Variants in LMO7 observed in about 807,000 individuals in gnomAD.
The protein encoded by LMO7 is LIM domain 7, also known as LIM domain only protein 7.
Under a neutral mutation model 206.5 loss-of-function variants are expected in LMO7, and 120 were observed. That is an observed-to-expected ratio of 0.58 (90% CI 0.50 to 0.68). LMO7 has a LOEUF of 0.68. Ranked by LOEUF, LMO7 falls within the 30% of genes least tolerant of loss-of-function variation. The pLI is 0.00. For missense variants in LMO7, 1,959 were observed against 1,957.9 expected, an observed-to-expected ratio of 1.00 and a Z score of -0.01; for synonymous variants, 706 against 681.5, an observed-to-expected ratio of 1.04 and a Z score of -0.56.
intron 3 of LMO7, among the ~76,000 whole-genome samples, chr13:75,734,888 A>G (rs1016139960): frequency 6.6e-6 from 1 of 152,164 alleles, no homozygotes; most frequent in Non-Finnish European, 1.5e-5. Context: ...TCACAAGGTC[A>G]GGAGATGACG....
intron 4 of LMO7, among the ~76,000 whole-genome samples, chr13:75,794,821 T>G (rs887923477): frequency 3.3e-5 from 5 of 152,196 alleles, no homozygotes; most frequent in African/African-American, 1.2e-4. Flanking sequence ...ACAGTGAAGT[T>G]TCTTCAGGCA....
chr13:75,655,511 A>G (rs1212604251), intron 1 of LMO7, among the ~76,000 whole-genome samples: 1 of 151,894 alleles, frequency 6.6e-6, no homozygotes, highest in Non-Finnish European at 1.5e-5. Context: ...AGATCTTTGC[A>G]GAGTCTTTCC....
chr13:75,853,326 G>T lies in LMO7; in HGVS notation c.4599G>T (p.Gln1533His). The T allele has an allele frequency of 6.2e-7, 1 of 1,613,800 alleles. No homozygotes were observed. Among genetic ancestry groups the T allele is most frequent in the Non-Finnish European group, 8.5e-7 (1 of 1,179,866 alleles). Residue 1533 changes from glutamine to histidine, a missense_variant, in exon 28 of 31, where the codon CAG becomes CAT. Coordinates refer to ENST00000377534, the MANE Select transcript of LMO7 (RefSeq NM_001306080.2). Reference sequence around the variant, plus strand: ...CCACCACAGGTGTGGCCACCACACAGTCCCCCACCCCGAGAAGCCATTCCC... The same window carrying T: ...CCACCACAGGTGTGGCCACCACACATTCCCCCACCCCGAGAAGCCATTCCC... ...KTSTTGVATT[Q>H]SPTPRSHSPS...
chr13:75,760,243 G>A (rs2048043251), intron 3 of LMO7: 1 of 472,886 alleles, frequency 2.1e-6, no homozygotes, highest in Non-Finnish European at 2.8e-6. Context: ...AGATATGAGG[G>A]CAACCTTGGA....
chr13:75,823,075 A>G (rs1595311653), intron 14 of LMO7, among the ~76,000 whole-genome samples: 1 of 152,172 alleles, frequency 6.6e-6, no homozygotes, highest in Admixed American at 6.6e-5. Context: ...TGATCAATAG[A>G]TAGAACACCA....
intron 1 of LMO7, among the ~76,000 whole-genome samples, chr13:75,680,778 A>T (rs7991517): frequency 0.81 from 122,434 of 151,714 alleles, 49,785 homozygotes; most frequent in African/African-American, 0.84. Flanking sequence ...TGTCCATGTG[A>T]TCTCATTGTT....
chr13:75,740,301 C>T (rs1340639639), intron 3 of LMO7, among the ~76,000 whole-genome samples: 4 of 152,146 alleles, frequency 2.6e-5, no homozygotes, highest in Non-Finnish European at 5.9e-5. Context: ...GTATACAAAA[C>T]ACTGGGGCTG....
intron 4 of LMO7, among the ~76,000 whole-genome samples, chr13:75,768,292 T>C (rs550445016): frequency 9.1e-4 from 139 of 152,214 alleles, no homozygotes; most frequent in Admixed American, 3.7e-3. Context: ...TTAAAACTTA[T>C]CCCTTTTCTC....
rs2060808152 is a variant in LMO7 at position 75,855,043 on chromosome 13, T to G, written c.4662-217T>G. The stretch of plus-strand genomic sequence containing the variant: ...CACTGAAATTGCTCATTTATGTGAA[T>G]AGGTGTCAAGGGTCTCAGAGCTGCC... On this transcript the variant is annotated intron_variant, in intron 28 of 30. Coordinates refer to ENST00000377534, the MANE Select transcript of LMO7 (RefSeq NM_001306080.2). 3 of 471,084 alleles carry G rather than the reference T, an allele frequency of 6.4e-6. No individual in the cohort carries two copies. In the Admixed American group the frequency reaches 1.0e-4, roughly 16 times the overall value. 29.2% of individuals were successfully genotyped at this position (471,084 alleles called of 1,614,324 possible).
chr13:75,694,598 T>TA (rs757237970), intron 1 of LMO7, among the ~76,000 whole-genome samples: 1 of 152,078 alleles, frequency 6.6e-6, no homozygotes, highest in Non-Finnish European at 1.5e-5. Flanking sequence ...TGGAGAGAAT[T>TA]ACATGGATTT....
chr13:75,800,959 G>A (rs866591822), intron 7 of LMO7, 77 bp downstream of exon 7: 1 of 1,445,520 alleles, frequency 6.9e-7, no homozygotes, highest in Non-Finnish European at 9.6e-7. Context: ...ATAGAAAAAT[G>A]GAGCAAAAAC....
chr13:75,722,423 G>A (rs539451482), intron 2 of LMO7, among the ~76,000 whole-genome samples: 15 of 152,152 alleles, frequency 9.9e-5, no homozygotes, highest in Admixed American at 9.8e-4. Flanking sequence ...TATACAAATG[G>A]CCAAAAAGCA....
chr13:75,693,981 T>C (rs532861865), intron 1 of LMO7, among the ~76,000 whole-genome samples: 1 of 152,226 alleles, frequency 6.6e-6, no homozygotes, highest in South Asian at 2.1e-4. Context: ...CTGTCTTTTC[T>C]TTTAATCATT....
chr13:75,700,161 T>A (rs1210772480), intron 1 of LMO7, among the ~76,000 whole-genome samples: 1 of 152,208 alleles, frequency 6.6e-6, no homozygotes, highest in Non-Finnish European at 1.5e-5. Context: ...TTCATATTGT[T>A]CAAACACACA....
At chr13:75,744,245 A>G (rs1045666351) in intron 3 of LMO7, among the ~76,000 whole-genome samples, 9 of 152,208 alleles carry the variant, frequency 5.9e-5, no homozygotes, top group African/African-American at 2.2e-4. Flanking sequence ...GTTGTTTCCA[A>G]TACCCTCATG....
rs2048071283 is a variant in LMO7 at position 75,760,508 on chromosome 13, A to G, written c.211-424A>G. 9 of 1,281,936 alleles carry G rather than the reference A, an allele frequency of 7.0e-6. No homozygotes were observed. In the South Asian group the frequency reaches 2.5e-4, roughly 36 times the overall value. 79.4% of individuals were successfully genotyped at this position (1,281,936 alleles called of 1,614,324 possible). The stretch of plus-strand genomic sequence containing the variant: ...CTCCTCTTATTTCTTCCCTGCCAAC[A>G]GTTTCTGGGTGGGTGAATGTCAGTA... On this transcript the variant is annotated intron_variant, in intron 3 of 30. Transcript: ENST00000377534.
At chr13:75,649,429 A>T (rs1445049230) in intron 1 of LMO7, among the ~76,000 whole-genome samples, 1 of 152,184 alleles carries the variant, frequency 6.6e-6, no homozygotes, top group Non-Finnish European at 1.5e-5. Context: ...AAGTAGAGAG[A>T]GTAGGATTAT....
At chr13:75,822,576 T>C (rs1476292143) in intron 14 of LMO7, among the ~76,000 whole-genome samples, 4 of 151,712 alleles carry the variant, frequency 2.6e-5, no homozygotes, top group African/African-American at 9.7e-5. Context: ...TTCAAATGTC[T>C]GGTAACAAAG....
At chr13:75,695,055 A>G (rs937362698) in intron 1 of LMO7, among the ~76,000 whole-genome samples, 5 of 152,150 alleles carry the variant, frequency 3.3e-5, no homozygotes, top group African/African-American at 9.7e-5. Flanking sequence ...AATCTTTCTC[A>G]GTTTTGCCTC....
Sources: allele counts gnomAD v4.1 joint callset (sites outside exome capture counted in the v4.1 genomes callset), GRCh38; gene constraint gnomAD v4.1.1; transcripts MANE v1.5; gene names NCBI Gene and HGNC (gene_info 2026-07-23, HGNC 2026-07-21).